The following IFNAR2 variants were observed in gnomAD, a reference collection of about 807,000 sequenced individuals.
IFNAR2 encodes the protein interferon alpha and beta receptor subunit 2.
IFNAR2 carries 30 observed loss-of-function variants against 49.4 expected under a neutral mutation model. That is an observed-to-expected ratio of 0.61 (90% confidence interval 0.45 to 0.82). IFNAR2 has a LOEUF of 0.82. Ranked by LOEUF, IFNAR2 falls within the 40% of genes least tolerant of loss-of-function variation. The pLI is 0.00. For synonymous variants in IFNAR2, 224 were observed against 234.5 expected (o/e 0.96, Z 0.41); for missense variants, 600 against 622.7 (o/e 0.96, Z 0.39).
chr21:33,239,628 G>C (rs1986763843), intron 1 of IFNAR2, among the ~76,000 whole-genome samples: 1 of 147,798 alleles, frequency 6.8e-6, no homozygotes, highest in Non-Finnish European at 1.5e-5. Flanking sequence ...AGTGGTGACA[G>C]CCCTCAATGT....
Position 33,230,425 on chromosome 21 carries a change from G to A in IFNAR2, c.-84+209G>A, listed in dbSNP as rs1342663243. 7 of 470,542 alleles carry A rather than the reference G, an allele frequency of 1.5e-5. No homozygotes were observed. In the Admixed American group the frequency reaches 1.8e-4, roughly 12 times the overall value. The allele number at this position is 470,542 out of a possible 1,614,324, so 29.1% of individuals were successfully genotyped here. On this transcript the variant is annotated intron_variant, in intron 1 of 8. Coordinates refer to ENST00000342136, the MANE Select transcript of IFNAR2 (RefSeq NM_001289125.3). The surrounding 1 kb of genome is among the most constrained non-coding windows in gnomAD (Gnocchi z 5.5). Reference sequence around the variant, plus strand: ...CCCGGGGCCGCACCTGCGACCCCAGGACCCCTCCCGGGCCCTGTCCTGCGC... The same window carrying A: ...CCCGGGGCCGCACCTGCGACCCCAGAACCCCTCCCGGGCCCTGTCCTGCGC...
At position 33,230,502 on chromosome 21, in the gene IFNAR2, T is replaced by TCCCCC; in HGVS notation, c.-84+289_-84+290insCCCCC. ...TCCGCTTTCGTTGCACCCCTCCGCG[T>TCCCCC]CCCACCCCACCCCACCAAGGATGCC... On this transcript the variant is annotated intron_variant, in intron 1 of 8. Transcript: ENST00000342136. The surrounding 1 kb of genome is among the most constrained non-coding windows in gnomAD (Gnocchi z 5.5). The TCCCCC allele has an allele frequency of 8.5e-6, 4 of 470,192 alleles. No homozygotes were observed. Among genetic ancestry groups the TCCCCC allele is most frequent in the South Asian group, 6.2e-5 (4 of 64,440 alleles). The allele number at this position is 470,192 out of a possible 1,614,324, so 29.1% of individuals were successfully genotyped here.
intron 1 of IFNAR2, among the ~76,000 whole-genome samples, chr21:33,236,416 C>T (rs149930562): frequency 2.0e-4 from 30 of 152,294 alleles, no homozygotes; most frequent in African/African-American, 5.3e-4. Context: ...GTAGTGGCCA[C>T]GTCCAAGGGT....
In IFNAR2 at chr21:33,230,600, A is replaced by T; in HGVS notation, c.-84+384A>T. On this transcript the variant is annotated intron_variant, in intron 1 of 8. Transcript: ENST00000342136. This position sits in a 1 kb window ranked among gnomAD's most constrained non-coding sequence, Gnocchi z 5.5. ...TTGAGGGTCACATTCCTCCAGGTCC[A>T]CCCCGCCTTGCAAAACCGGCTCACC... 2.1e-6 allele frequency: 1 copy of T among 469,612 alleles called. No homozygotes were observed. The highest frequency in any genetic ancestry group is 4.4e-6 in the Non-Finnish European group (1 of 226,392). The allele number at this position is 469,612 out of a possible 1,614,324, so 29.1% of individuals were successfully genotyped here.
intron 7 of IFNAR2, among the ~76,000 whole-genome samples, chr21:33,256,326 T>G (rs2123515732): frequency 6.6e-6 from 1 of 152,352 alleles, no homozygotes; most frequent in South Asian, 2.1e-4. Flanking sequence ...ATAGGTCAAG[T>G]ACCGCTCTCT....
rs3216172 is a variant in IFNAR2 at position 33,262,748 on chromosome 21, G to GT, written c.841-44dup. On this transcript the variant is annotated intron_variant, in intron 8 of 8. Transcript: ENST00000342136. ...TTATGTAGAAAATAAAGAGCAAACAGTACAGCTGATACGGACTCTCTCTCT... is the reference window on the plus strand; with the variant it reads ...TTATGTAGAAAATAAAGAGCAAACAGTTACAGCTGATACGGACTCTCTCTCT... 526,146 of 1,573,460 alleles carry GT rather than the reference G, an allele frequency of 0.33. 94,846 individuals carry two copies. Among genetic ancestry groups the GT allele is most frequent in the East Asian group, 0.58 (25,784 of 44,586 alleles).
intron 1 of IFNAR2, chr21:33,233,015 AT>A: frequency 1.3e-6 from 1 of 789,680 alleles, no homozygotes. Context: ...GAAGAAATTC[AT>A]TACCATTGCC....
At chr21:33,238,037 G>A (rs1601789758) in intron 1 of IFNAR2, among the ~76,000 whole-genome samples, 2 of 152,152 alleles carry the variant, frequency 1.3e-5, no homozygotes, top group South Asian at 2.1e-4. Flanking sequence ...CAGGACATAC[G>A]ACCCTCCTGC....
At chr21:33,242,589 C>T (rs1387797976) in intron 2 of IFNAR2, among the ~76,000 whole-genome samples, 6 of 151,188 alleles carry the variant, frequency 4.0e-5, no homozygotes, top group Admixed American at 6.6e-5. Flanking sequence ...AAAAATTAGG[C>T]GGGCGTGGTG....
intron 7 of IFNAR2, among the ~76,000 whole-genome samples, chr21:33,257,926 A>G (rs1988320242): frequency 1.3e-5 from 2 of 152,186 alleles, no homozygotes; most frequent in African/African-American, 4.8e-5. Context: ...AAGCAGAATA[A>G]TGGCCCCCAA....
intron 2 of IFNAR2, among the ~76,000 whole-genome samples, chr21:33,242,880 C>T (rs1372046200): frequency 2.0e-5 from 3 of 150,542 alleles, no homozygotes; most frequent in African/African-American, 7.3e-5. Context: ...CCTCCACCTC[C>T]TGGGTTCAAG....
In IFNAR2 at chr21:33,243,105, A is replaced by G. The variant is rs539950538; in HGVS notation, c.56-568A>G. Among the ~76,000 whole-genome samples, 4 of 138,724 alleles carry G rather than the reference A, an allele frequency of 2.9e-5. No individual in the cohort carries two copies. The East Asian group carries it at 6.5e-4, about 22-fold the overall frequency. 91.0% of individuals were successfully genotyped at this position (138,724 alleles called of 152,430 possible). On this transcript the variant is annotated intron_variant, in intron 2 of 8. Transcript: ENST00000342136. ...GTCCAGCCATTTTTTTTTTTTTTAGACAGAGTCTCCCTCTGTCACCCAGGC... is the reference window on the plus strand; with the variant it reads ...GTCCAGCCATTTTTTTTTTTTTTAGGCAGAGTCTCCCTCTGTCACCCAGGC...
chr21:33,231,045 T>C (rs1402819022), intron 1 of IFNAR2, among the ~76,000 whole-genome samples: 3 of 152,166 alleles, frequency 2.0e-5, no homozygotes, highest in Non-Finnish European at 4.4e-5. Flanking sequence ...GCAAGAAGTC[T>C]TAGAAACGAA....
chr21:33,237,774 T>A (rs569468268), intron 1 of IFNAR2, among the ~76,000 whole-genome samples: 1 of 152,308 alleles, frequency 6.6e-6, no homozygotes, highest in Non-Finnish European at 1.5e-5. Context: ...TTGGAATCAC[T>A]TGGATTTCTC....
Position 33,241,920 on chromosome 21 carries a change from A to C in IFNAR2, c.-3A>C. On this transcript the variant is annotated 5_prime_UTR_variant, in exon 2 of 9. Coordinates refer to ENST00000342136, the MANE Select transcript of IFNAR2 (RefSeq NM_001289125.3). ...TCAAGAGAAGACTCTAAAAATAGCAAAGATGCTTTTGAGCCAGAATGCCTT... is the reference window on the plus strand; with the variant it reads ...TCAAGAGAAGACTCTAAAAATAGCACAGATGCTTTTGAGCCAGAATGCCTT... 6.2e-7 allele frequency: 1 copy of C among 1,612,398 alleles called. No homozygotes were observed. Among genetic ancestry groups the C allele is most frequent in the Non-Finnish European group, 8.5e-7 (1 of 1,178,774 alleles).
In IFNAR2 at chr21:33,246,885, T is replaced by C. The variant is rs1341724911; in HGVS notation, c.389T>C (p.Ile130Thr). The C allele has an allele frequency of 1.2e-6, 2 of 1,612,824 alleles. No individual in the cohort carries two copies. The highest frequency in any genetic ancestry group is 3.3e-5 in the Admixed American group (2 of 59,844). The change falls in exon 5 of 9, where the codon ATA becomes ACA. Residue 130 changes from isoleucine (I) to threonine (T), a missense_variant. By Grantham distance (89) the Ile-to-Thr change is moderately conservative. Coordinates refer to ENST00000342136, the MANE Select transcript of IFNAR2 (RefSeq NM_001289125.3). ...TGCTCACACAATTTCTGGCTGGCCA[T>C]AGACAGTGAGTTTTATCTCTGTTTC... ...FSCSHNFWLA[I>T]DMSFEPPEFE...
intron 8 of IFNAR2, chr21:33,262,581 C>T: frequency 1.4e-6 from 1 of 730,452 alleles, no homozygotes; most frequent in Non-Finnish European, 2.5e-6. Flanking sequence ...TCGCTAAGGG[C>T]TGGAATGCAG....
chr21:33,261,035 CTTTTT>C (rs368696822), intron 8 of IFNAR2, among the ~76,000 whole-genome samples: 3 of 95,980 alleles, frequency 3.1e-5, no homozygotes, highest in East Asian at 7.0e-4. Flanking sequence ...GTTTTCTTTC[CTTTTT>C]TTTTTTTTTT....
intron 8 of IFNAR2, among the ~76,000 whole-genome samples, chr21:33,261,733 A>G (rs1233464091): frequency 6.6e-6 from 1 of 152,094 alleles, no homozygotes; most frequent in African/African-American, 2.4e-5. Flanking sequence ...TAAATTAGCC[A>G]GGCATGCTGG....
Sources: allele counts gnomAD v4.1 joint callset (sites outside exome capture counted in the v4.1 genomes callset), GRCh38; gene constraint gnomAD v4.1.1; non-coding constraint Gnocchi (gnomAD v3.1); transcripts MANE v1.5; gene names NCBI Gene and HGNC (gene_info 2026-07-23, HGNC 2026-07-21).